The following CARF variants were observed in gnomAD, a reference collection of about 807,000 sequenced individuals.
CARF encodes calcium-responsive transcription factor.
A neutral mutation model predicts 82.0 loss-of-function variants in CARF; 57 were observed. That is an observed-to-expected ratio of 0.70 (90% CI 0.56 to 0.87). The LOEUF is 0.87. CARF is among the 40% of genes least tolerant of loss of function. The pLI is 0.00. For missense variants in CARF, 771 were observed against 855.8 expected (o/e 0.90, Z 1.24); for synonymous variants, 268 against 290.1 (o/e 0.92, Z 0.77).
chr2:202,939,685 C>CTTT (rs749966536), intron 3 of CARF, among the ~76,000 whole-genome samples: 85 of 104,886 alleles, frequency 8.1e-4, no homozygotes, highest in East Asian at 1.0e-3. Context: ...GCCTTTTTTT[C>CTTT]TTTTTTTTTT....
chr2:202,915,064 T>A (rs973184831), intron 1 of CARF, among the ~76,000 whole-genome samples: 4 of 152,098 alleles, frequency 2.6e-5, no homozygotes, highest in Non-Finnish European at 5.9e-5. Flanking sequence ...GTCGCGAGGC[T>A]GGAGTGCAGT....
chr2:202,942,075 T>C (rs1414527281), intron 4 of CARF, 95 bp downstream of exon 4: 1 of 1,014,272 alleles, frequency 9.9e-7, no homozygotes, highest in Non-Finnish European at 1.5e-6. Flanking sequence ...TTATATTTAG[T>C]GTATTCAAGA....
chr2:202,941,942 G>T lies in CARF; in HGVS notation c.40G>T (p.Asp14Tyr). 6.2e-7 allele frequency: 1 copy of T among 1,613,644 alleles called. No homozygotes were observed. Among genetic ancestry groups the T allele is most frequent in the South Asian group, 1.1e-5 (1 of 91,022 alleles). The change falls in exon 4 of 17, where the codon GAC becomes TAC. Residue 14 changes from aspartate (D) to tyrosine (Y), a missense_variant. Transcript: ENST00000438828. ...TGATTCATTAAGAGTCAACCATAATGACGGTGAAGAGTCAAAAACCAGTGC... is the reference window on the plus strand; with the variant it reads ...TGATTCATTAAGAGTCAACCATAATTACGGTGAAGAGTCAAAAACCAGTGC... ...SNDSLRVNHN[D>Y]GEESKTSAQV...
At chr2:202,936,479 A>G (rs938185238) in intron 3 of CARF, among the ~76,000 whole-genome samples, 3 of 152,250 alleles carry the variant, frequency 2.0e-5, no homozygotes, top group South Asian at 2.1e-4. Flanking sequence ...TTCTTTCTCT[A>G]TGGATTTACC....
chr2:202,938,423 T>A (rs954803950), intron 3 of CARF: 3 of 151,820 alleles, frequency 2.0e-5, no homozygotes, highest in Non-Finnish European at 4.4e-5. Context: ...CAGCTAATTT[T>A]TTTTATTTTT....
chr2:202,936,819 ATC>A (rs1032565601), intron 3 of CARF, among the ~76,000 whole-genome samples: 10 of 152,236 alleles, frequency 6.6e-5, no homozygotes, highest in Non-Finnish European at 1.3e-4. Context: ...TGTCCAATTT[ATC>A]TGTTTTCTCT....
chr2:202,943,026 C>A lies in CARF; in HGVS notation c.306+59C>A, dbSNP rs370013702. The A allele has an allele frequency of 2.4e-5, 30 of 1,250,434 alleles. 1 individual carries two copies. Among genetic ancestry groups the A allele is most frequent in the African/African-American group, 1.1e-4 (7 of 66,190 alleles). The allele number at this position is 1,250,434 out of a possible 1,614,324, so 77.5% of individuals were successfully genotyped here. ...CGTTTAGCAAAATGTATTAGTCTTACTAAATGACCTTAATTTCTTGACACT... is the reference window on the plus strand; with the variant it reads ...CGTTTAGCAAAATGTATTAGTCTTAATAAATGACCTTAATTTCTTGACACT... On this transcript the variant is annotated intron_variant, in intron 5 of 16. Transcript: ENST00000438828.
In CARF at chr2:202,942,843, A is replaced by G. The variant is rs1320105448; in HGVS notation, c.182A>G (p.Gln61Arg). Residue 61 changes from glutamine to arginine, a missense_variant, in exon 5 of 17, where the codon CAG becomes CGG. Transcript: ENST00000438828. Reference protein sequence around the residue: ...TREANNSLISQNIPGPLTQTQ... With the variant: ...TREANNSLISRNIPGPLTQTQ... Reference sequence around the variant, plus strand: ...GAAGCAAATAATTCACTCATATCACAGAATATACCAGGGCCCCTGACTCAG... The same window carrying G: ...GAAGCAAATAATTCACTCATATCACGGAATATACCAGGGCCCCTGACTCAG... The G allele has an allele frequency of 6.2e-7, 1 of 1,614,102 alleles. No individual in the cohort carries two copies. The highest frequency in any genetic ancestry group is 8.5e-7 in the Non-Finnish European group (1 of 1,179,992).
At chr2:202,917,553 T>G (rs1287730442) in intron 1 of CARF, among the ~76,000 whole-genome samples, 3 of 152,198 alleles carry the variant, frequency 2.0e-5, no homozygotes, top group African/African-American at 7.2e-5. Context: ...GATACCCTAA[T>G]AGTAAGTATT....
intron 8 of CARF, among the ~76,000 whole-genome samples, chr2:202,957,921 G>A (rs1038504982): frequency 2.6e-5 from 4 of 151,762 alleles, no homozygotes; most frequent in South Asian, 2.1e-4. Context: ...ATTCCAGTCC[G>A]TGACAGAGCA....
At chr2:202,926,979 A>C (rs756369798) in intron 3 of CARF, among the ~76,000 whole-genome samples, 1 of 151,986 alleles carries the variant, frequency 6.6e-6, no homozygotes, top group Non-Finnish European at 1.5e-5. Flanking sequence ...ATGCCCAGCT[A>C]ATTTTTATAT....
intron 7 of CARF, among the ~76,000 whole-genome samples, chr2:202,955,159 C>G (rs946968451): frequency 6.6e-6 from 1 of 151,972 alleles, no homozygotes; most frequent in Non-Finnish European, 1.5e-5. Flanking sequence ...TAAAATAATA[C>G]TATGATATTT....
intron 2 of CARF, among the ~76,000 whole-genome samples, chr2:202,922,913 A>G (rs1691098559): frequency 6.6e-6 from 1 of 151,740 alleles, no homozygotes; most frequent in African/African-American, 2.4e-5. Flanking sequence ...AACTCTAAAG[A>G]CTCCTCCAGA....
At chr2:202,956,368 G>A (rs985112068) in intron 8 of CARF, among the ~76,000 whole-genome samples, 12 of 152,032 alleles carry the variant, frequency 7.9e-5, no homozygotes, top group Admixed American at 3.9e-4. Context: ...CGATTCTTGT[G>A]CCTCGGCCTC....
At position 202,987,706 on chromosome 2, in the gene CARF, G is replaced by A. The variant is rs140098631; in HGVS notation, c.*4082G>A. On this transcript the variant is annotated 3_prime_UTR_variant, in exon 17 of 17. Transcript: ENST00000438828. ...ATTCCTGAGAAAAATAATGTGTATG[G>A]TTAATATGGAAAACCTTTGGTAATG... is the stretch of plus-strand genomic sequence containing the variant. 2.6e-5 allele frequency among the ~76,000 whole-genome samples: 4 copies of A among 152,284 alleles called. No homozygotes were observed. The East Asian group carries it at 5.8e-4, about 22-fold the overall frequency.
chr2:202,977,381 C>T (rs1460597015), intron 14 of CARF, 49 bp downstream of exon 14: 4 of 1,354,854 alleles, frequency 3.0e-6, no homozygotes, highest in Admixed American at 1.8e-5. Flanking sequence ...TGGTGTTTAA[C>T]TGGAAGGAAC....
rs1690165222 is a variant in CARF, at chr2:202,918,488, C to CTT, written c.-163+445_-163+446insTT. On this transcript the variant is annotated intron_variant, in intron 2 of 16. Transcript: ENST00000438828. ...GTGAGCCGAGAGCTTGCAGTGAGTG[C>CTT]CACTGCACTCCAGTACTGGGTGATA... Among the ~76,000 whole-genome samples the CTT allele has an allele frequency of 4.6e-5, 7 of 152,130 alleles. No homozygotes were observed. In the South Asian group the frequency reaches 1.5e-3, roughly 32 times the overall value.
Position 202,985,923 on chromosome 2 carries a change from T to C in CARF, c.*2299T>C, listed in dbSNP as rs532520750. The C allele has an allele frequency of 6.6e-6, 1 of 152,272 alleles. No individual in the cohort carries two copies. The highest frequency in any genetic ancestry group is 2.1e-4 in the South Asian group (1 of 4,828). The allele number at this position is 152,272 out of a possible 1,614,324, so 9.4% of individuals were successfully genotyped here. A position where few individuals can be genotyped will look rare whatever the true frequency, so the allele number is the denominator to read the frequency against. On this transcript the variant is annotated 3_prime_UTR_variant, in exon 17 of 17. Transcript: ENST00000438828. ...GAGATGTGTCAGAGGACTCAGACTT[T>C]GGTATAGTTAGAAAAATAATATTTT...
intron 3 of CARF, among the ~76,000 whole-genome samples, chr2:202,937,171 T>A (rs950495529): frequency 2.6e-5 from 4 of 152,228 alleles, no homozygotes; most frequent in Non-Finnish European, 5.9e-5. Flanking sequence ...CTCTGAGCAC[T>A]GCTTTTTTGC....
Sources: gnomAD v4.1 joint callset for allele counts (sites outside exome capture counted in the v4.1 genomes callset) on GRCh38, gnomAD v4.1.1 for gene constraint, MANE v1.5 for transcripts, NCBI Gene and HGNC (gene_info 2026-07-23, HGNC 2026-07-21) for gene names.